Variants in RRP1 observed in about 807,000 individuals in gnomAD.
RRP1 encodes the protein ribosomal RNA processing 1, also known as ribosomal RNA processing protein 1 homolog A.
A neutral mutation model predicts 54.6 loss-of-function variants in RRP1; 37 were observed. The ratio of observed to expected loss-of-function variants is 0.68; its 90% confidence interval spans 0.52 to 0.89. The LOEUF is 0.89. Among genes scored for constraint, RRP1 ranks in the 40% least tolerant of loss-of-function variants. The pLI, the probability that RRP1 is intolerant of heterozygous loss-of-function variation, is 0.00. For synonymous variants in RRP1, 262 were observed against 244.3 expected (o/e 1.07, Z -0.67); for missense variants, 639 against 612.5 (o/e 1.04, Z -0.46).
intron 7 of RRP1, 46 bp downstream of exon 7, chr21:43,797,741 C>T: frequency 6.2e-7 from 1 of 1,604,566 alleles, no homozygotes; most frequent in Non-Finnish European, 8.5e-7. Context: ...TCACTGAGTT[C>T]TTCCATGGGG....
At chr21:43,798,182 C>T in intron 8 of RRP1, 82 bp downstream of exon 8, 2 of 1,192,166 alleles carry the variant, frequency 1.7e-6, no homozygotes, top group South Asian at 3.1e-5. Flanking sequence ...GTTGCTCCTG[C>T]CACCTCCTAC....
At chr21:43,794,901 C>T (rs1331294053) in intron 4 of RRP1, among the ~76,000 whole-genome samples, 3 of 152,056 alleles carry the variant, frequency 2.0e-5, no homozygotes, top group South Asian at 2.1e-4. Context: ...GGACTGGAGT[C>T]GTAGGACTGT....
chr21:43,797,357 T>TG (rs745498012), intron 5 of RRP1, 65 bp from the exon 6 acceptor site: 4 of 1,541,742 alleles, frequency 2.6e-6, no homozygotes, highest in Admixed American at 1.9e-5. Context: ...CATGGGAGAG[T>TG]GGGGGGCACG....
chr21:43,803,301 G>A (rs567227401), intron 12 of RRP1, among the ~76,000 whole-genome samples: 21 of 152,310 alleles, frequency 1.4e-4, no homozygotes, highest in South Asian at 1.0e-3. Flanking sequence ...CTGTCCTCAC[G>A]CTGGTCCTTC....
chr21:43,800,506 TTTTGAAACAG>T lies in RRP1; in HGVS notation c.892-5_896del. The T allele has an allele frequency of 6.2e-7, 1 of 1,614,076 alleles. No individual in the cohort carries two copies. Among genetic ancestry groups the T allele is most frequent in the Non-Finnish European group, 8.5e-7 (1 of 1,179,884 alleles). ...TGACCTTGCCTCTGTGACGTCTCTC[TTTTGAAACAG>T]TTTGACTACGAGGCAGTTGCTAACA... On this transcript the variant is annotated splice_acceptor_variant and splice_polypyrimidine_tract_variant and intron_variant, in intron 9 of 12. Transcript: ENST00000497547. LOFTEE classifies it high-confidence loss of function.
At chr21:43,798,423 C>G (rs1391701654) in intron 8 of RRP1, among the ~76,000 whole-genome samples, 3 of 152,150 alleles carry the variant, frequency 2.0e-5, no homozygotes, top group Non-Finnish European at 2.9e-5. Context: ...CCCACCGTCT[C>G]TCCCCCCATC....
At position 43,803,905 on chromosome 21, in the gene RRP1, C is replaced by G; in HGVS notation, c.*131C>G. The G allele has an allele frequency of 8.6e-7, 1 of 1,168,950 alleles. No homozygotes were observed. The highest frequency in any genetic ancestry group is 1.2e-6 in the Non-Finnish European group (1 of 850,148). The allele number at this position is 1,168,950 out of a possible 1,614,324, so 72.4% of individuals were successfully genotyped here. On this transcript the variant is annotated 3_prime_UTR_variant, in exon 13 of 13. Coordinates refer to ENST00000497547, the MANE Select transcript of RRP1 (RefSeq NM_003683.6). ...TCCTGTGCCAGGCGGGAGGGAAGGG[C>G]GGCACTGGAGAGATGGGCCCATCAT...
rs779615062 is a variant in RRP1 at position 43,800,570 on chromosome 21, C to T, written c.945C>T (p.Ser315=). 6 of 1,614,262 alleles carry T rather than the reference C, an allele frequency of 3.7e-6. No homozygotes were observed. The highest frequency in any genetic ancestry group is 5.1e-6 in the Non-Finnish European group (6 of 1,180,046). The change falls in exon 10 of 13, where the codon AGC becomes AGT. Residue 315 remains serine (S), a synonymous_variant. Coordinates refer to ENST00000497547, the MANE Select transcript of RRP1 (RefSeq NM_003683.6). ...NRLFEMASRQ[S]TPSQNRKRLY... ...TGTTTGAAATGGCCAGCCGCCAGAG[C>T]ACCCCTTCTCAGAACAGAAAGCGTC...
rs1358932250 is a variant in RRP1, at chr21:43,803,500, C to G, written c.1124-12C>G. The G allele has an allele frequency of 5.2e-6, 8 of 1,540,148 alleles. No homozygotes were observed. Among genetic ancestry groups the G allele is most frequent in the Non-Finnish European group, 7.0e-6 (8 of 1,138,500 alleles). ...GCATTCTCTGGCTCATGGGGTCTTG[C>G]TGTTTTGTCAGGGAAAGGTGAGAAG... On this transcript the variant is annotated splice_polypyrimidine_tract_variant and intron_variant, in intron 12 of 12. Coordinates refer to ENST00000497547, the MANE Select transcript of RRP1 (RefSeq NM_003683.6).
Position 43,789,604 on chromosome 21 carries a change from G to A in RRP1, c.-26G>A. 6.3e-7 allele frequency: 1 copy of A among 1,583,458 alleles called. No individual in the cohort carries two copies. Among genetic ancestry groups the A allele is most frequent in the Non-Finnish European group, 8.6e-7 (1 of 1,166,804 alleles). ...TGTGCTGGGTACCAGGCGACTCCGG[G>A]ACAGGGGGTCTCGGCCGTCGGCGTC... On this transcript the variant is annotated 5_prime_UTR_variant, in exon 1 of 13. Coordinates refer to ENST00000497547, the MANE Select transcript of RRP1 (RefSeq NM_003683.6).
In RRP1 at chr21:43,800,861, G is replaced by C. The variant is rs1326187602; in HGVS notation, c.990-1G>C. 6.2e-7 allele frequency: 1 copy of C among 1,613,604 alleles called. No individual in the cohort carries two copies. The highest frequency in any genetic ancestry group is 8.5e-7 in the Non-Finnish European group (1 of 1,180,044). On this transcript the variant is annotated splice_acceptor_variant, in intron 10 of 12. Transcript: ENST00000497547. LOFTEE classifies it high-confidence loss of function. ...AGTGGGTATCTGTCTTACTCTTTCA[G>C]GCTGCAGGACCTGGCAGGAGGTGAG...
chr21:43,789,641 C>T lies in RRP1; in HGVS notation c.12C>T (p.Arg4=), dbSNP rs370883816. 1.9e-6 allele frequency: 3 copies of T among 1,585,054 alleles called. No individual in the cohort carries two copies. The highest frequency in any genetic ancestry group is 1.4e-5 in the African/African-American group (1 of 73,000). Residue 4 remains arginine, a synonymous_variant, in exon 1 of 13, where the codon CGC becomes CGT. Coordinates refer to ENST00000497547, the MANE Select transcript of RRP1 (RefSeq NM_003683.6). MVS[R]VQLPPEIQLA... ...CGGCCGTCGGCGTCATGGTTTCGCG[C>T]GTGCAGCTCCCGCCTGAGATCCAGC...
Position 43,791,378 on chromosome 21 carries a change from G to GC in RRP1, c.162_163insC (p.Val55ArgfsTer57). 3.1e-6 allele frequency: 5 copies of GC among 1,614,120 alleles called. No homozygotes were observed. The highest frequency in any genetic ancestry group is 3.4e-6 in the Non-Finnish European group (4 of 1,179,998). On this transcript the variant is annotated frameshift_variant, in exon 2 of 13. Transcript: ENST00000497547. LOFTEE classifies it high-confidence loss of function. Reference sequence around the variant, plus strand: ...GTTTTACGCACGACGAGCTGCTGAAGGTGTGGAAAGGACTGTTTTATTGCA... The same window carrying GC: ...GTTTTACGCACGACGAGCTGCTGAAGCGTGTGGAAAGGACTGTTTTATTGCA...
At chr21:43,797,276 G>A in intron 5 of RRP1, 146 bp from the exon 6 acceptor site, 1 of 1,363,128 alleles carries the variant, frequency 7.3e-7, no homozygotes, top group South Asian at 1.5e-5. Flanking sequence ...TCATCTGCGT[G>A]GACTTTAAGG....
At chr21:43,792,641 G>C in intron 2 of RRP1, 31 bp from the exon 3 acceptor site, 1 of 1,612,890 alleles carries the variant, frequency 6.2e-7, no homozygotes. Flanking sequence ...TGCTTCAGGG[G>C]CTGAGGGCGT....
chr21:43,797,251 C>G (rs1340198950), intron 5 of RRP1, 171 bp from the exon 6 acceptor site: 2 of 1,132,082 alleles, frequency 1.8e-6, no homozygotes, highest in Non-Finnish European at 2.4e-6. Context: ...TGGAGGAGAC[C>G]TAGGATCGTT....
chr21:43,798,406 C>T (rs752773348), intron 8 of RRP1, among the ~76,000 whole-genome samples: 6 of 152,098 alleles, frequency 3.9e-5, no homozygotes, highest in South Asian at 4.1e-4. Context: ...CGAGTCTCTC[C>T]GTCCCTCCCA....
rs777980293 is a variant in RRP1 at position 43,791,440 on chromosome 21, G to T, written c.216+8G>T. 2.7e-5 allele frequency: 44 copies of T among 1,613,486 alleles called. No homozygotes were observed. The highest frequency in any genetic ancestry group is 1.3e-4 in the Admixed American group (8 of 59,982). On this transcript the variant is annotated splice_region_variant and intron_variant, in intron 2 of 12. Coordinates refer to ENST00000497547, the MANE Select transcript of RRP1 (RefSeq NM_003683.6). ...GACAAGCCACTCCTCCAGGTGAGTG[G>T]GGGGAGCAGCAGAGCAGGTACAGAA...
At chr21:43,797,884 C>T in intron 7 of RRP1, 23 bp from the exon 8 acceptor site, 1 of 1,604,512 alleles carries the variant, frequency 6.2e-7, no homozygotes, top group Non-Finnish European at 8.5e-7. Context: ...GGCCTGCTCA[C>T]CGGCCTCTGC....
Sources: gnomAD v4.1 joint callset for allele counts (sites outside exome capture counted in the v4.1 genomes callset) on GRCh38, gnomAD v4.1.1 for gene constraint, MANE v1.5 for transcripts, NCBI Gene and HGNC (gene_info 2026-07-23, HGNC 2026-07-21) for gene names.